CFDP1: variants seen among roughly 807,000 people sequenced by gnomAD.
CFDP1 encodes chromatin remodeling protein CFDP1, also known as heterochromatin-stabilizing protein CFDP1.
CFDP1 carries 31 observed loss-of-function variants against 40.1 expected under a neutral mutation model. That is an observed-to-expected ratio of 0.77 (90% CI 0.58 to 1.04). CFDP1 has a LOEUF of 1.04. Ranked by LOEUF, CFDP1 falls within the 50% of genes least tolerant of loss-of-function variation. The pLI, the probability that CFDP1 is intolerant of heterozygous loss-of-function variation, is 0.00. For missense variants in CFDP1, 423 were observed against 343.4 expected (o/e 1.23, Z -1.83); for synonymous variants, 167 against 120.0 (o/e 1.39, Z -2.56).
chr16:75,431,029 T>C (rs1465802143), intron 1 of CFDP1, among the ~76,000 whole-genome samples: 5 of 151,912 alleles, frequency 3.3e-5, no homozygotes, highest in East Asian at 1.9e-4. Flanking sequence ...GTTAAGTACA[T>C]AGACAGCTAA....
intron 1 of CFDP1, among the ~76,000 whole-genome samples, chr16:75,433,026 G>A (rs2079442903): frequency 6.6e-6 from 1 of 152,232 alleles, no homozygotes; most frequent in South Asian, 2.1e-4. Flanking sequence ...GCGACAAGGG[G>A]CCGTGTCCAT....
At position 75,423,675 on chromosome 16, in the gene CFDP1, C is replaced by T. The variant is rs183523875; in HGVS notation, c.65-8980G>A. ...GACTACAGGCACCCGCCACCTCGCCCGGCTAATTTTTTGTATTTTTAGTTG... is the reference window on the plus strand; with the variant it reads ...GACTACAGGCACCCGCCACCTCGCCTGGCTAATTTTTTGTATTTTTAGTTG... On this transcript the variant is annotated intron_variant, in intron 1 of 6. Transcript: ENST00000283882. Among the ~76,000 whole-genome samples, 459 of 152,078 alleles carry T rather than the reference C, an allele frequency of 3.0e-3. 3 individuals carry two copies. The highest frequency in any genetic ancestry group is 0.011 in the African/African-American group (448 of 41,470).
chr16:75,420,809 G>A (rs1173541523), intron 1 of CFDP1, among the ~76,000 whole-genome samples: 1 of 152,056 alleles, frequency 6.6e-6, no homozygotes, highest in Non-Finnish European at 1.5e-5. Context: ...TTTCACTAAA[G>A]GATTGACATG....
intron 5 of CFDP1, among the ~76,000 whole-genome samples, chr16:75,376,283 T>C (rs1197734104): frequency 6.6e-6 from 1 of 152,176 alleles, no homozygotes; most frequent in African/African-American, 2.4e-5. Context: ...ATTCCATTCC[T>C]AGGTATTTAG....
chr16:75,394,599 T>C (rs949678008), intron 5 of CFDP1: 5 of 151,234 alleles, frequency 3.3e-5, no homozygotes, highest in Admixed American at 6.6e-5. Flanking sequence ...TTCAATACTA[T>C]AAACTAGGAC....
At chr16:75,405,469 C>G (rs561337536) in intron 4 of CFDP1, among the ~76,000 whole-genome samples, 2 of 151,658 alleles carry the variant, frequency 1.3e-5, no homozygotes, top group Non-Finnish European at 2.9e-5. Context: ...CACAAGAGGC[C>G]TGGTGTGGTG....
At chr16:75,422,156 G>GTGCGA (rs2079287672) in intron 1 of CFDP1, among the ~76,000 whole-genome samples, 1 of 152,062 alleles carries the variant, frequency 6.6e-6, no homozygotes, top group Admixed American at 6.6e-5. Flanking sequence ...GAGTGCAATG[G>GTGCGA]TGCGATCTCG....
intron 5 of CFDP1, among the ~76,000 whole-genome samples, chr16:75,358,873 T>TG (rs1377582439): frequency 6.6e-6 from 1 of 152,086 alleles, no homozygotes; most frequent in Non-Finnish European, 1.5e-5. Flanking sequence ...TTAATGAATG[T>TG]GACTTGTTGA....
intron 5 of CFDP1, among the ~76,000 whole-genome samples, chr16:75,379,377 A>C: frequency 6.6e-6 from 1 of 152,178 alleles, no homozygotes; most frequent in Non-Finnish European, 1.5e-5. Flanking sequence ...AATTACCAAT[A>C]TCGGAGGTAA....
At chr16:75,316,569 TA>T (rs780200659) in intron 5 of CFDP1, among the ~76,000 whole-genome samples, 519 of 26,604 alleles carry the variant, frequency 0.02, 1 homozygote, top group South Asian at 0.026. Context: ...AGACCCTGTC[TA>T]AAAAAAAAAA....
At position 75,414,091 on chromosome 16, in the gene CFDP1, A is replaced by G. The variant is rs143375262; in HGVS notation, c.182+487T>C. Among the ~76,000 whole-genome samples the G allele has an allele frequency of 1.0e-2, 1,517 of 152,342 alleles. 32 individuals carry two copies. Among genetic ancestry groups the G allele is most frequent in the African/African-American group, 0.034 (1,402 of 41,584 alleles). On this transcript the variant is annotated intron_variant, in intron 2 of 6. Coordinates refer to ENST00000283882, the MANE Select transcript of CFDP1 (RefSeq NM_006324.3). The stretch of plus-strand genomic sequence containing the variant: ...GGAAAGCCTAAATAAAGTAAGGCCT[A>G]TTCACATAACGTAATACTATGAAAA...
intron 5 of CFDP1, among the ~76,000 whole-genome samples, chr16:75,318,387 G>A (rs866371739): frequency 1.3e-5 from 2 of 150,576 alleles, no homozygotes; most frequent in African/African-American, 4.9e-5. Flanking sequence ...TGATTAGGGA[G>A]TTGGCATGCT....
intron 4 of CFDP1, among the ~76,000 whole-genome samples, chr16:75,410,732 C>T (rs1452387402): frequency 6.6e-6 from 1 of 151,160 alleles, no homozygotes; most frequent in African/African-American, 2.4e-5. Flanking sequence ...CATGGTGAAA[C>T]CCCGTCTCTA....
chr16:75,421,747 A>G (rs1349744747), intron 1 of CFDP1, among the ~76,000 whole-genome samples: 1 of 152,192 alleles, frequency 6.6e-6, no homozygotes, highest in African/African-American at 2.4e-5. Flanking sequence ...CAAGGAAATT[A>G]CCAAAAAACT....
intron 5 of CFDP1, among the ~76,000 whole-genome samples, chr16:75,356,695 G>C (rs931039171): frequency 3.9e-5 from 6 of 152,050 alleles, no homozygotes; most frequent in Admixed American, 3.3e-4. Flanking sequence ...TGAAGTCCTA[G>C]ATGGCATCTT....
intron 3 of CFDP1, among the ~76,000 whole-genome samples, chr16:75,412,246 T>C (rs1303674715): frequency 6.6e-5 from 10 of 152,208 alleles, no homozygotes; most frequent in African/African-American, 2.4e-4. Flanking sequence ...CTCGAACTCC[T>C]GACCTCAAAT....
At chr16:75,366,642 C>CA (rs1050659618) in intron 5 of CFDP1, among the ~76,000 whole-genome samples, 20 of 151,884 alleles carry the variant, frequency 1.3e-4, no homozygotes, top group African/African-American at 4.6e-4. Flanking sequence ...AACAAACAAA[C>CA]AAAAAAACCG....
At chr16:75,411,306 G>C (rs1373573990) in intron 4 of CFDP1, among the ~76,000 whole-genome samples, 1 of 152,052 alleles carries the variant, frequency 6.6e-6, no homozygotes, top group Non-Finnish European at 1.5e-5. Flanking sequence ...TCGGGAGGCT[G>C]AAGTAGGAGA....
chr16:75,317,584 ATAAT>A (rs2078332105), intron 5 of CFDP1, among the ~76,000 whole-genome samples: 1 of 152,218 alleles, frequency 6.6e-6, no homozygotes. Flanking sequence ...GCTGGGGAGA[ATAAT>A]TTATTGACCA....
Sources: gnomAD v4.1 joint callset for allele counts (sites outside exome capture counted in the v4.1 genomes callset) on GRCh38, gnomAD v4.1.1 for gene constraint, MANE v1.5 for transcripts, NCBI Gene and HGNC (gene_info 2026-07-23, HGNC 2026-07-21) for gene names.